Variants in NFS1 observed in about 807,000 individuals in gnomAD.
The protein encoded by NFS1 is NFS1 cysteine desulfurase.
Under a neutral mutation model 57.3 loss-of-function variants are expected in NFS1, and 26 were observed. The ratio of observed to expected loss-of-function variants is 0.45; its 90% CI spans 0.33 to 0.63. The LOEUF is 0.63. Among genes scored for constraint, NFS1 ranks in the 20% least tolerant of loss-of-function variants. NFS1 has a pLI of 0.02. For missense variants in NFS1, 505 were observed against 605.8 expected (o/e 0.83, Z 1.75); for synonymous variants, 209 against 216.3 (o/e 0.97, Z 0.30).
At position 35,669,586 on chromosome 20, in the gene NFS1, G is replaced by A. The variant is rs1247183713; in HGVS notation, c.*36C>T. ...TTGTGCACGGGTTGGTGAGGCAGGA[G>A]GGGCCAGACCAGCACAAAGTCAGGG... On this transcript the variant is annotated 3_prime_UTR_variant, in exon 13 of 13. Transcript: ENST00000374092. 1.9e-6 allele frequency: 3 copies of A among 1,602,932 alleles called. No homozygotes were observed. Among genetic ancestry groups the A allele is most frequent in the Admixed American group, 3.3e-5 (2 of 59,992 alleles).
In NFS1 at chr20:35,672,884, C is replaced by G. The variant is rs754330369; in HGVS notation, c.1221-40G>C. 21 of 1,207,428 alleles carry G rather than the reference C, an allele frequency of 1.7e-5. No homozygotes were observed. The East Asian group carries it at 4.9e-4, about 28-fold the overall frequency. 74.8% of individuals were successfully genotyped at this position (1,207,428 alleles called of 1,614,324 possible). ...AGGAGAATGGCTCCCCATCAGAGCT[C>G]TGGCACTGGGATAAATTCATTCCGC... On this transcript the variant is annotated intron_variant, in intron 11 of 12. Transcript: ENST00000374092.
chr20:35,688,723 CAGAG>C (rs996547984), intron 5 of NFS1, among the ~76,000 whole-genome samples: 12 of 140,894 alleles, frequency 8.5e-5, no homozygotes, highest in African/African-American at 2.9e-4. Flanking sequence ...AAAAGAAAGA[CAGAG>C]GGAGAGAGAG....
In NFS1 at chr20:35,698,334, G is replaced by A. The variant is rs2035176406; in HGVS notation, c.207+147C>T. ...TAGTAAAGCCAATGCCAGTGGCCTC[G>A]AATTTAAGCCTCCCGACTCCTCGCT... On this transcript the variant is annotated intron_variant, in intron 2 of 12. Transcript: ENST00000374092. The A allele has an allele frequency of 1.1e-5, 7 of 646,956 alleles. No homozygotes were observed. The South Asian group carries it at 1.4e-4, about 13-fold the overall frequency. The allele number at this position is 646,956 out of a possible 1,614,324, so 40.1% of individuals were successfully genotyped here. A position where few individuals can be genotyped will look rare whatever the true frequency, so the allele number is the denominator to read the frequency against.
At chr20:35,693,878 C>T (rs890330397) in intron 4 of NFS1, among the ~76,000 whole-genome samples, 8 of 151,862 alleles carry the variant, frequency 5.3e-5, no homozygotes, top group Non-Finnish European at 1.2e-4. Flanking sequence ...AGGAGAATGG[C>T]GTGAACCCAG....
intron 5 of NFS1, among the ~76,000 whole-genome samples, chr20:35,685,749 T>C (rs936450746): frequency 2.1e-5 from 3 of 144,482 alleles, no homozygotes; most frequent in African/African-American, 7.8e-5. Flanking sequence ...TCCCAGCTAC[T>C]GAGGAGGCTA....
In NFS1 at chr20:35,669,410, C is replaced by A. The variant is rs904598655; in HGVS notation, c.*212G>T. ...ATGAAAATGTCCACACACTTTAAGA[C>A]CCGAGAAGAAATGGGGAGTGCTCCA... On this transcript the variant is annotated 3_prime_UTR_variant, in exon 13 of 13. Transcript: ENST00000374092. 2 of 520,496 alleles carry A rather than the reference C, an allele frequency of 3.8e-6. No individual in the cohort carries two copies. Among genetic ancestry groups the A allele is most frequent in the Admixed American group, 6.4e-5 (2 of 31,210 alleles). 32.2% of individuals were successfully genotyped at this position (520,496 alleles called of 1,614,324 possible).
At chr20:35,681,791 T>A (rs925215394) in intron 6 of NFS1, 97 bp downstream of exon 6, 16 of 666,648 alleles carry the variant, frequency 2.4e-5, no homozygotes, top group Non-Finnish European at 4.4e-5. Flanking sequence ...TCCCTTGATT[T>A]CCTAACTACA....
chr20:35,680,197 C>T (rs1487805592), intron 7 of NFS1, among the ~76,000 whole-genome samples: 1 of 152,072 alleles, frequency 6.6e-6, no homozygotes, highest in Non-Finnish European at 1.5e-5. Context: ...CCCAGCTACT[C>T]GGCAGGCTGA....
intron 7 of NFS1, chr20:35,675,841 A>AGC (rs2034730385): frequency 6.7e-6 from 1 of 148,970 alleles, no homozygotes; most frequent in African/African-American, 2.5e-5. Flanking sequence ...ACTGCACTCC[A>AGC]GCCTGAGTGA....
intron 6 of NFS1, 101 bp downstream of exon 6, chr20:35,681,787 G>C (rs2034852947): frequency 1.5e-6 from 1 of 650,164 alleles, no homozygotes; most frequent in East Asian, 2.7e-5. Context: ...GCTTTCCCTT[G>C]ATTTCCTAAC....
At chr20:35,695,116 G>C (rs1277759663) in intron 4 of NFS1, among the ~76,000 whole-genome samples, 1 of 152,100 alleles carries the variant, frequency 6.6e-6, no homozygotes, top group Non-Finnish European at 1.5e-5. Context: ...TTGACCTGTT[G>C]GTTTGGAATC....
chr20:35,679,231 G>A (rs757156438), intron 7 of NFS1, among the ~76,000 whole-genome samples: 8 of 152,164 alleles, frequency 5.3e-5, no homozygotes, highest in East Asian at 1.9e-4. Context: ...CTCGCCTGTC[G>A]CCCAGGCAGT....
chr20:35,684,183 G>A (rs934518586), intron 5 of NFS1, among the ~76,000 whole-genome samples: 7 of 151,958 alleles, frequency 4.6e-5, no homozygotes, highest in South Asian at 4.1e-4. Context: ...CGAGGCGGGC[G>A]GATCACAAGG....
rs2034693310 is a variant in NFS1 at position 35,673,594 on chromosome 20, C to T, written c.1220+7G>A. On this transcript the variant is annotated splice_region_variant and intron_variant, in intron 11 of 12. Transcript: ENST00000374092. ...CTTTCATAAATGTTGCAGCTCAACT[C>T]ACTGACCTGATAGAAGAGTGCGCTA... 1 of 1,611,636 alleles carries T rather than the reference C, an allele frequency of 6.2e-7. No individual in the cohort carries two copies. The highest frequency in any genetic ancestry group is 1.1e-5 in the South Asian group (1 of 90,960).
intron 9 of NFS1, 23 bp from the exon 10 acceptor site, chr20:35,674,454 G>GA (rs1568956236): frequency 3.1e-6 from 5 of 1,612,678 alleles, no homozygotes; most frequent in Non-Finnish European, 4.2e-6. Flanking sequence ...AATACTGTGA[G>GA]AGAGGTCTCA....
intron 5 of NFS1, among the ~76,000 whole-genome samples, chr20:35,689,185 A>G (rs559879022): frequency 1.2e-4 from 19 of 152,276 alleles, no homozygotes; most frequent in Non-Finnish European, 1.9e-4. Flanking sequence ...ACACCAACAA[A>G]TGCAAGAAAC....
chr20:35,692,012 G>A (rs147284477), intron 4 of NFS1, among the ~76,000 whole-genome samples: 17 of 151,582 alleles, frequency 1.1e-4, no homozygotes, highest in African/African-American at 2.7e-4. Context: ...GAAAAACTCC[G>A]TCTCTACTAA....
chr20:35,694,143 CTTTT>C (rs750913818), intron 4 of NFS1, among the ~76,000 whole-genome samples: 4 of 134,002 alleles, frequency 3.0e-5, no homozygotes, highest in Non-Finnish European at 1.6e-5. Flanking sequence ...GAGACCATGT[CTTTT>C]TTTTTTTTTT....
In NFS1 at chr20:35,685,455, G is replaced by A. The variant is rs1326512024; in HGVS notation, c.562-3474C>T. On this transcript the variant is annotated intron_variant, in intron 5 of 12. Transcript: ENST00000374092. ...AAGAATCGCTTGAACTTAGAAGGCG[G>A]AGACTGCAGTGAGCCGAGGTCATGT... Among the ~76,000 whole-genome samples the A allele has an allele frequency of 2.0e-5, 3 of 151,306 alleles. 1 individual carries two copies. The highest frequency in any genetic ancestry group is 4.9e-5 in the African/African-American group (2 of 40,872).
Sources: allele counts gnomAD v4.1 joint callset (sites outside exome capture counted in the v4.1 genomes callset), GRCh38; gene constraint gnomAD v4.1.1; transcripts MANE v1.5; gene names NCBI Gene and HGNC (gene_info 2026-07-23, HGNC 2026-07-21).